COPA: variants seen among roughly 807,000 people sequenced by gnomAD.
The protein encoded by COPA is coat protein complex I subunit alpha, also known as coatomer subunit alpha.
Under a neutral mutation model 158.7 loss-of-function variants are expected in COPA, and 10 were observed. The ratio of observed to expected loss-of-function variants is 0.06; its 90% CI spans 0.04 to 0.11. The LOEUF (loss-of-function observed/expected upper bound fraction) is 0.11. Among genes scored for constraint, COPA ranks in the 10% least tolerant of loss-of-function variants. COPA has a pLI of 1.00. For synonymous variants in COPA, 462 were observed against 542.8 expected (o/e 0.85, Z 2.07); for missense variants, 1,065 against 1,536.7 (o/e 0.69, Z 5.13).
rs904669120 is a variant in COPA at position 160,289,764 on chromosome 1, T to C, written c.*393A>G. 1.3e-5 allele frequency: 2 copies of C among 158,430 alleles called. No individual in the cohort carries two copies. The highest frequency in any genetic ancestry group is 1.4e-5 in the Non-Finnish European group (1 of 72,298). The allele number at this position is 158,430 out of a possible 1,614,324, so 9.8% of individuals were successfully genotyped here. ...TGCTACCATGCCAGGCTAATTTTTA[T>C]ATTTTTATTAGAGACGGGGTGTTGC... On this transcript the variant is annotated 3_prime_UTR_variant, in exon 33 of 33. Transcript: ENST00000241704.
At chr1:160,320,717 G>A (rs1332789496) in intron 8 of COPA, among the ~76,000 whole-genome samples, 2 of 121,786 alleles carry the variant, frequency 1.6e-5, no homozygotes, top group African/African-American at 6.3e-5. Flanking sequence ...TCAAAGAAAA[G>A]CCCAGGACCT....
In COPA at chr1:160,313,560, G is replaced by A. The variant is rs182713930; in HGVS notation, c.843-393C>T. ...CTCCTGAGTAGCTGGGACTACAGGC[G>A]CCCGCCACCACGCCCGGCTAATTTT... is the stretch of plus-strand genomic sequence containing the variant. On this transcript the variant is annotated intron_variant, in intron 9 of 32. Coordinates refer to ENST00000241704, the MANE Select transcript of COPA (RefSeq NM_004371.4). 5.2e-4 allele frequency among the ~76,000 whole-genome samples: 79 copies of A among 152,050 alleles called. 1 individual carries two copies. Among genetic ancestry groups the A allele is most frequent in the African/African-American group, 1.7e-3 (70 of 41,456 alleles).
At chr1:160,330,034 G>T (rs1316538174) in intron 6 of COPA, among the ~76,000 whole-genome samples, 1 of 152,120 alleles carries the variant, frequency 6.6e-6, no homozygotes, top group Non-Finnish European at 1.5e-5. Context: ...ATAATTGCTT[G>T]AACCCAGGAG....
intron 8 of COPA, among the ~76,000 whole-genome samples, chr1:160,322,654 A>C (rs1213625290): frequency 6.6e-6 from 1 of 152,178 alleles, no homozygotes; most frequent in African/African-American, 2.4e-5. Flanking sequence ...ATTTCACCAC[A>C]GGTAAAATGG....
At chr1:160,313,498 T>C (rs1373132496) in intron 9 of COPA, among the ~76,000 whole-genome samples, 1 of 151,972 alleles carries the variant, frequency 6.6e-6, no homozygotes, top group Non-Finnish European at 1.5e-5. Context: ...CACTGCAAGC[T>C]CCACCTCCCA....
Position 160,339,597 on chromosome 1 carries a change from ATCTC to A in COPA, c.228+308_228+311del, listed in dbSNP as rs562505828. On this transcript the variant is annotated intron_variant, in intron 3 of 32. Transcript: ENST00000241704. ...TGCTCTTTCCTATTTCACTGTGAAT[ATCTC>A]TCTATTATATTGCTTACCAAACTGT... 237 of 212,128 alleles carry A rather than the reference ATCTC, an allele frequency of 1.1e-3. 1 individual carries two copies. The highest frequency in any genetic ancestry group is 5.5e-3 in the East Asian group (47 of 8,602). 13.1% of individuals were successfully genotyped at this position (212,128 alleles called of 1,614,324 possible).
chr1:160,336,217 C>T (rs1255872640), intron 3 of COPA, among the ~76,000 whole-genome samples: 1 of 151,854 alleles, frequency 6.6e-6, no homozygotes, highest in African/African-American at 2.4e-5. Flanking sequence ...GATGTGATCC[C>T]AGCTACTTGG....
chr1:160,322,841 A>G (rs1659369236), intron 8 of COPA, among the ~76,000 whole-genome samples: 2 of 152,200 alleles, frequency 1.3e-5, no homozygotes, highest in African/African-American at 4.8e-5. Flanking sequence ...ACTACTGGCT[A>G]TATATCCAAA....
At chr1:160,314,702 C>T (rs868732799) in intron 8 of COPA, among the ~76,000 whole-genome samples, 2 of 152,170 alleles carry the variant, frequency 1.3e-5, no homozygotes, top group African/African-American at 2.4e-5. Context: ...TAACAACTGT[C>T]CTAGTTGGCC....
intron 21 of COPA, among the ~76,000 whole-genome samples, 192 bp from the exon 22 acceptor site, chr1:160,296,341 G>A (rs1476942082): frequency 1.3e-5 from 2 of 152,212 alleles, no homozygotes; most frequent in African/African-American, 2.4e-5. Flanking sequence ...GATGTGATGG[G>A]ATGTTACTTC....
Position 160,335,110 on chromosome 1 carries a change from T to C in COPA, c.309+132A>G, listed in dbSNP as rs1571184294. 7.2e-6 allele frequency: 5 copies of C among 691,794 alleles called. No individual in the cohort carries two copies. In the East Asian group the frequency reaches 1.5e-4, roughly 21 times the overall value. The allele number at this position is 691,794 out of a possible 1,614,324, so 42.9% of individuals were successfully genotyped here. ...GAAAGAAAAAAAGCAGAAAGGACAATACCACACAGATTGTAGAAGAGCCAC... is the reference window on the plus strand; with the variant it reads ...GAAAGAAAAAAAGCAGAAAGGACAACACCACACAGATTGTAGAAGAGCCAC... On this transcript the variant is annotated intron_variant, in intron 4 of 32. Transcript: ENST00000241704.
At chr1:160,315,179 C>T (rs1659091539) in intron 8 of COPA, among the ~76,000 whole-genome samples, 1 of 152,194 alleles carries the variant, frequency 6.6e-6, no homozygotes, top group African/African-American at 2.4e-5. Flanking sequence ...TCCCCCAACT[C>T]ATGGTTTCTA....
Position 160,298,875 on chromosome 1 carries a change from A to G in COPA, c.1947T>C (p.Phe649=). The change falls in exon 19 of 33, where the codon TTT becomes TTC. Residue 649 remains phenylalanine (F), a synonymous_variant. Coordinates refer to ENST00000241704, the MANE Select transcript of COPA (RefSeq NM_004371.4). The part of the protein sequence containing the change: ...LHFVKDEKTR[F]SLALECGNIE... ...TGTTTCCACACTCCAGTGCCAGACT[A>G]AAGCGAGTTTTCTCATCCTTGACAA... 1 of 1,614,196 alleles carries G rather than the reference A, an allele frequency of 6.2e-7. No individual in the cohort carries two copies.
At chr1:160,337,517 C>T (rs1020776962) in intron 3 of COPA, among the ~76,000 whole-genome samples, 1 of 152,154 alleles carries the variant, frequency 6.6e-6, no homozygotes, top group African/African-American at 2.4e-5. Flanking sequence ...GTCGGGAGTT[C>T]AAGACCAGCC....
In COPA at chr1:160,289,489, T is replaced by C. The variant is rs1400856904; in HGVS notation, c.*668A>G. On this transcript the variant is annotated 3_prime_UTR_variant, in exon 33 of 33. Transcript: ENST00000241704. ...GCCTAGTCACACCAAAATGTATTTA[T>C]TACATCCTGCTCCTTTCTAGTTGAC... 6.6e-6 allele frequency: 1 copy of C among 152,172 alleles called. No individual in the cohort carries two copies. The highest frequency in any genetic ancestry group is 1.5e-5 in the Non-Finnish European group (1 of 68,032). 9.4% of individuals were successfully genotyped at this position (152,172 alleles called of 1,614,324 possible). A position where few individuals can be genotyped will look rare whatever the true frequency, so the allele number is the denominator to read the frequency against.
At chr1:160,337,527 C>T (rs1465564503) in intron 3 of COPA, among the ~76,000 whole-genome samples, 12 of 152,222 alleles carry the variant, frequency 7.9e-5, no homozygotes, top group Admixed American at 5.9e-4. Context: ...CAAGACCAGC[C>T]TGACCAACAT....
intron 25 of COPA, among the ~76,000 whole-genome samples, chr1:160,294,069 G>A (rs1465292415): frequency 6.6e-6 from 1 of 152,314 alleles, no homozygotes; most frequent in South Asian, 2.1e-4. Context: ...TCAGATTAGA[G>A]ATAAGTCCTA....
At chr1:160,307,429 C>T (rs1019556357) in intron 13 of COPA, among the ~76,000 whole-genome samples, 184 bp from the exon 14 acceptor site, 12 of 152,236 alleles carry the variant, frequency 7.9e-5, no homozygotes, top group African/African-American at 2.9e-4. Context: ...CCAGTCCCCT[C>T]CAAACACCAA....
intron 3 of COPA, 147 bp downstream of exon 3, chr1:160,339,762 T>C (rs1571188321): frequency 3.1e-6 from 2 of 650,610 alleles, no homozygotes; most frequent in South Asian, 2.0e-5. Context: ...ATTCAATAAA[T>C]GTTTGCTGAG....
Sources: allele counts gnomAD v4.1 joint callset (sites outside exome capture counted in the v4.1 genomes callset), GRCh38; gene constraint gnomAD v4.1.1; transcripts MANE v1.5; gene names NCBI Gene and HGNC (gene_info 2026-07-23, HGNC 2026-07-21).